Variants in FBXL2 observed in about 807,000 individuals in gnomAD.
FBXL2 encodes the protein F-box/LRR-repeat protein 2.
In FBXL2, 38 loss-of-function variants were observed where a neutral mutation model predicts 69.2. The observed-to-expected ratio is 0.55, with a 90% CI of 0.42 to 0.72. The LOEUF is 0.72. Among genes scored for constraint, FBXL2 ranks in the 30% least tolerant of loss-of-function variants. FBXL2 has a pLI of 0.00. For synonymous variants in FBXL2, 192 were observed against 201.3 expected, an observed-to-expected ratio of 0.95 and a Z score of 0.39; for missense variants, 354 against 520.3, an observed-to-expected ratio of 0.68 and a Z score of 3.11.
chr3:33,409,517 T>G, the FBXL2 span: 4 of 1,614,210 alleles, frequency 2.5e-6, no homozygotes, highest in Non-Finnish European at 2.5e-6. Context: ...TCATTCTGCT[T>G]AAAGGTGTCA....
chr3:33,377,779 C>T (rs1004265778), intron 11 of FBXL2, among the ~76,000 whole-genome samples: 1 of 152,184 alleles, frequency 6.6e-6, no homozygotes, highest in East Asian at 1.9e-4. Flanking sequence ...GTGCCCCATC[C>T]CCATGCCCTC....
At chr3:33,389,460 T>C (rs1382048240), downstream of FBXL2, 1 of 86,392 alleles carries the variant, frequency 1.2e-5, no homozygotes, top group East Asian at 3.3e-4. Flanking sequence ...AAATGTTTAA[T>C]AGGATGGTGG....
chr3:33,344,446 A>G (rs1232569187), intron 2 of FBXL2, among the ~76,000 whole-genome samples: 2 of 152,124 alleles, frequency 1.3e-5, no homozygotes, highest in Admixed American at 6.5e-5. Flanking sequence ...AATTATCATG[A>G]TGCTATATTG....
chr3:33,344,242 C>T (rs536588707), intron 2 of FBXL2, among the ~76,000 whole-genome samples: 2 of 151,890 alleles, frequency 1.3e-5, no homozygotes, highest in Non-Finnish European at 2.9e-5. Context: ...AAACCACATT[C>T]CTGGATGTGA....
At chr3:33,417,901 T>TA in the FBXL2 span, among the ~76,000 whole-genome samples, 2 of 152,240 alleles carry the variant, frequency 1.3e-5, no homozygotes, top group Non-Finnish European at 2.9e-5. Flanking sequence ...GTTATCAAAA[T>TA]ACAACTACAT....
intron 2 of FBXL2, among the ~76,000 whole-genome samples, chr3:33,303,882 A>G (rs1049901198): frequency 6.6e-6 from 1 of 152,038 alleles, no homozygotes; most frequent in African/African-American, 2.4e-5. Flanking sequence ...CAGATGCTCA[A>G]CAAGGCCCAT....
At chr3:33,376,715 A>G (rs1020311524) in intron 10 of FBXL2, among the ~76,000 whole-genome samples, 1 of 152,188 alleles carries the variant, frequency 6.6e-6, no homozygotes, top group Non-Finnish European at 1.5e-5. Flanking sequence ...TAAAAAGTGA[A>G]CAAGGCTGGG....
At chr3:33,349,559 G>C (rs1349253395) in intron 2 of FBXL2, among the ~76,000 whole-genome samples, 1 of 152,122 alleles carries the variant, frequency 6.6e-6, no homozygotes, top group Non-Finnish European at 1.5e-5. Flanking sequence ...TTGGCCTGTA[G>C]TTTTCTATTT....
intron 2 of FBXL2, among the ~76,000 whole-genome samples, chr3:33,351,102 C>T (rs763405212): frequency 1.3e-5 from 2 of 151,918 alleles, no homozygotes; most frequent in Admixed American, 1.3e-4. Flanking sequence ...CCTATCTCTA[C>T]CAAAAAATAC....
chr3:33,420,537 G>A, the FBXL2 span, among the ~76,000 whole-genome samples: 3 of 143,808 alleles, frequency 2.1e-5, no homozygotes, highest in Non-Finnish European at 4.5e-5. Flanking sequence ...CCATCAGGCT[G>A]GAGTGCAGTG....
downstream of FBXL2, chr3:33,391,284 G>C (rs1380155418): frequency 6.6e-6 from 1 of 152,192 alleles, no homozygotes; most frequent in African/African-American, 2.4e-5. Context: ...GACCGGATTT[G>C]GATCTTAGCT....
chr3:33,406,065 G>T (rs2044412065), downstream of FBXL2, among the ~76,000 whole-genome samples: 1 of 152,130 alleles, frequency 6.6e-6, no homozygotes, highest in Non-Finnish European at 1.5e-5. Context: ...GCATGGCATA[G>T]CAACTTTGCT....
chr3:33,294,292 T>C (rs2035538551), intron 1 of FBXL2, among the ~76,000 whole-genome samples: 2 of 151,972 alleles, frequency 1.3e-5, no homozygotes, highest in Admixed American at 6.5e-5. Context: ...GAGTCGGGTC[T>C]CACTATGTTG....
chr3:33,317,544 A>G (rs2037818133), intron 2 of FBXL2: 2 of 456,364 alleles, frequency 4.4e-6, no homozygotes, highest in Non-Finnish European at 8.8e-6. Flanking sequence ...GACACACATC[A>G]TTGTTTTGTA....
At chr3:33,332,036 TCAC>T (rs2039206819) in intron 2 of FBXL2, among the ~76,000 whole-genome samples, 1 of 151,624 alleles carries the variant, frequency 6.6e-6, no homozygotes, top group South Asian at 2.1e-4. Context: ...AATATATAAA[TCAC>T]CAAATTGAAA....
At chr3:33,412,484 A>G in the FBXL2 span, among the ~76,000 whole-genome samples, 3 of 151,260 alleles carry the variant, frequency 2.0e-5, no homozygotes, top group Non-Finnish European at 4.4e-5. Context: ...TTGGGAGGCT[A>G]AGGCAGGAAA....
chr3:33,306,197 T>C (rs1472289404), intron 2 of FBXL2, among the ~76,000 whole-genome samples: 1 of 152,138 alleles, frequency 6.6e-6, no homozygotes, highest in African/African-American at 2.4e-5. Context: ...GTTTTTCTTA[T>C]TCAGTTTCAA....
At chr3:33,336,298 A>T (rs1375253531) in intron 2 of FBXL2, among the ~76,000 whole-genome samples, 1 of 152,220 alleles carries the variant, frequency 6.6e-6, no homozygotes, top group Non-Finnish European at 1.5e-5. Flanking sequence ...CCATATAAGG[A>T]TCACCTGATT....
At chr3:33,336,630 A>G (rs2039599592) in intron 2 of FBXL2, among the ~76,000 whole-genome samples, 1 of 152,194 alleles carries the variant, frequency 6.6e-6, no homozygotes, top group Non-Finnish European at 1.5e-5. Flanking sequence ...AAAACAACTG[A>G]GCGCAGTGAC....
Sources: gnomAD v4.1 joint callset for allele counts (sites outside exome capture counted in the v4.1 genomes callset) on GRCh38, gnomAD v4.1.1 for gene constraint, MANE v1.5 for transcripts, NCBI Gene and HGNC (gene_info 2026-07-23, HGNC 2026-07-21) for gene names.